Variants in AAK1 observed in about 807,000 individuals in gnomAD.
The protein encoded by AAK1 is AP2 associated kinase 1, also known as AP2-associated protein kinase 1.
A neutral mutation model predicts 116.0 loss-of-function variants in AAK1; 37 were observed. That is an observed-to-expected ratio of 0.32 (90% CI 0.25 to 0.42). The LOEUF (loss-of-function observed/expected upper bound fraction) is 0.42, where lower values mean the gene tolerates loss of function less well. Among genes scored for constraint, AAK1 ranks in the 10% least tolerant of loss-of-function variants. The pLI is 1.00. For missense variants in AAK1, 919 were observed against 1,170.6 expected (o/e 0.79, Z 3.14); for synonymous variants, 458 against 439.9 (o/e 1.04, Z -0.51).
intron 16 of AAK1, among the ~76,000 whole-genome samples, chr2:69,504,272 C>T (rs1056502252): frequency 6.6e-6 from 1 of 151,462 alleles, no homozygotes; most frequent in Non-Finnish European, 1.5e-5. Flanking sequence ...TGGCATACAC[C>T]GGTAGTCCTA....
rs367860568 is a variant in AAK1 at position 69,467,064 on chromosome 2, T to C, written c.*8805A>G. ...GGCTGCTTGATAAATGCAAGTTTAC[T>C]TGATGACTTACATCACAAGCACTAC... On this transcript the variant is annotated 3_prime_UTR_variant, in exon 22 of 22. Transcript: ENST00000409085. The C allele has an allele frequency of 7.1e-6, 7 of 985,462 alleles. No homozygotes were observed. The East Asian group carries it at 6.8e-4, about 96-fold the overall frequency. 61.0% of individuals were successfully genotyped at this position (985,462 alleles called of 1,614,324 possible). A position where few individuals can be genotyped will look rare whatever the true frequency, so the allele number is the denominator to read the frequency against.
chr2:69,555,852 A>G (rs1671367669), intron 3 of AAK1, among the ~76,000 whole-genome samples: 1 of 151,258 alleles, frequency 6.6e-6, no homozygotes, highest in South Asian at 2.1e-4. Context: ...ATTACATATT[A>G]TTATATTATT....
chr2:69,466,550 A>G lies in AAK1; in HGVS notation c.*9319T>C, dbSNP rs773751981. The stretch of plus-strand genomic sequence containing the variant: ...GACAGGGATTGGACTCCCTCTGGAG[A>G]TCTAGAAAAGCATAAAATGCAGAAT... On this transcript the variant is annotated 3_prime_UTR_variant, in exon 22 of 22. Transcript: ENST00000409085. 3 of 1,183,472 alleles carry G rather than the reference A, an allele frequency of 2.5e-6. No homozygotes were observed. Among genetic ancestry groups the G allele is most frequent in the Non-Finnish European group, 3.2e-6 (3 of 936,642 alleles). The allele number at this position is 1,183,472 out of a possible 1,614,324, so 73.3% of individuals were successfully genotyped here.
intron 3 of AAK1, among the ~76,000 whole-genome samples, chr2:69,549,407 T>C (rs1572946797): frequency 6.6e-6 from 1 of 152,182 alleles, no homozygotes; most frequent in South Asian, 2.1e-4. Flanking sequence ...AATAAACAGG[T>C]GAAATAGCAT....
intron 17 of AAK1, among the ~76,000 whole-genome samples, chr2:69,483,180 A>G (rs1265969824): frequency 2.0e-5 from 3 of 152,190 alleles, no homozygotes; most frequent in South Asian, 4.1e-4. Context: ...GATACAGAAC[A>G]TTTCCAAAAC....
intron 2 of AAK1, among the ~76,000 whole-genome samples, chr2:69,605,822 G>A (rs1240597563): frequency 6.6e-6 from 1 of 151,550 alleles, no homozygotes; most frequent in Non-Finnish European, 1.5e-5. Context: ...CCCCCACACT[G>A]CCCCTAATTC....
chr2:69,497,590 G>A (rs908322647), intron 16 of AAK1, among the ~76,000 whole-genome samples: 2 of 151,650 alleles, frequency 1.3e-5, no homozygotes, highest in African/African-American at 4.8e-5. Context: ...GTGAGCCACC[G>A]TGCCCAGCCA....
intron 2 of AAK1, among the ~76,000 whole-genome samples, chr2:69,564,837 C>T (rs1333340586): frequency 1.3e-5 from 2 of 152,256 alleles, no homozygotes; most frequent in Middle Eastern, 3.4e-3. Flanking sequence ...CTCACAATAT[C>T]CTCCCCACCC....
intron 16 of AAK1, among the ~76,000 whole-genome samples, 193 bp from the exon 17 acceptor site, chr2:69,496,273 GTT>G (rs1182573863): frequency 5.1e-5 from 7 of 136,594 alleles, no homozygotes; most frequent in Admixed American, 7.5e-5. Context: ...AATCTGGCCC[GTT>G]TTTTTTTTTT....
intron 4 of AAK1, among the ~76,000 whole-genome samples, chr2:69,543,418 CT>C (rs750513209): frequency 2.0e-5 from 3 of 151,758 alleles, no homozygotes; most frequent in African/African-American, 4.8e-5. Context: ...ATAGTATCTT[CT>C]TTTTTTTGAG....
In AAK1 at chr2:69,468,610, A is replaced by G. The variant is rs1674569199; in HGVS notation, c.*7259T>C. ...TGGCATCATACAGGTCAATAATCCA[A>G]TGAACACTAGTTTGAACAGAGTCAG... is the stretch of plus-strand genomic sequence containing the variant. On this transcript the variant is annotated 3_prime_UTR_variant, in exon 22 of 22. Coordinates refer to ENST00000409085, the MANE Select transcript of AAK1 (RefSeq NM_014911.5). 3.0e-6 allele frequency: 3 copies of G among 985,468 alleles called. No individual in the cohort carries two copies. Among genetic ancestry groups the G allele is most frequent in the African/African-American group, 1.7e-5 (1 of 57,376 alleles). 61.0% of individuals were successfully genotyped at this position (985,468 alleles called of 1,614,324 possible).
rs778372132 is a variant in AAK1, at chr2:69,472,706, T to C, written c.*3163A>G. ...TTCTGCTATAGTTACTCCTCTTACA[T>C]AGCTGGAATAAAAGCAAATCAGAAA... On this transcript the variant is annotated 3_prime_UTR_variant, in exon 22 of 22. Transcript: ENST00000409085. The C allele has an allele frequency of 1.9e-5, 19 of 985,298 alleles. No individual in the cohort carries two copies. The highest frequency in any genetic ancestry group is 2.2e-5 in the Non-Finnish European group (18 of 829,938). The allele number at this position is 985,298 out of a possible 1,614,324, so 61.0% of individuals were successfully genotyped here. A position where few individuals can be genotyped will look rare whatever the true frequency, so the allele number is the denominator to read the frequency against.
intron 4 of AAK1, among the ~76,000 whole-genome samples, chr2:69,543,320 G>C (rs1024292628): frequency 6.6e-6 from 1 of 152,144 alleles, no homozygotes; most frequent in Non-Finnish European, 1.5e-5. Flanking sequence ...TAGTACTTTA[G>C]GAAATCAGGT....
Position 69,465,673 on chromosome 2 carries a change from C to T in AAK1, c.*10196G>A. On this transcript the variant is annotated 3_prime_UTR_variant, in exon 22 of 22. Transcript: ENST00000409085. ...CGGAATGGTTTGCCAGCCATGGGGC[C>T]TGAGACAGCTTCTTTCTGGAGCTGA... is the stretch of plus-strand genomic sequence containing the variant. 1 of 1,290,908 alleles carries T rather than the reference C, an allele frequency of 7.7e-7. No homozygotes were observed. Among genetic ancestry groups the T allele is most frequent in the Non-Finnish European group, 1.0e-6 (1 of 988,878 alleles). The allele number at this position is 1,290,908 out of a possible 1,614,324, so 80.0% of individuals were successfully genotyped here. A position where few individuals can be genotyped will look rare whatever the true frequency, so the allele number is the denominator to read the frequency against.
Position 69,471,844 on chromosome 2 carries a change from A to C in AAK1, c.*4025T>G. On this transcript the variant is annotated 3_prime_UTR_variant, in exon 22 of 22. Transcript: ENST00000409085. ...AACCTGGGGAAGGTTATATTGGTTG[A>C]TCAATTATCTGTCAGGAGAGTAGGA... 1.0e-6 allele frequency: 1 copy of C among 985,472 alleles called. No homozygotes were observed. Among genetic ancestry groups the C allele is most frequent in the Non-Finnish European group, 1.2e-6 (1 of 829,934 alleles). The allele number at this position is 985,472 out of a possible 1,614,324, so 61.0% of individuals were successfully genotyped here.
chr2:69,505,826 T>C (rs539084376), intron 15 of AAK1, among the ~76,000 whole-genome samples, 153 bp from the exon 16 acceptor site: 1 of 152,316 alleles, frequency 6.6e-6, no homozygotes, highest in East Asian at 1.9e-4. Context: ...TGTCTAGTCA[T>C]TGCAATAACT....
In AAK1 at chr2:69,466,977, C is replaced by G; in HGVS notation, c.*8892G>C. The G allele has an allele frequency of 1.0e-6, 1 of 985,422 alleles. No homozygotes were observed. Among genetic ancestry groups the G allele is most frequent in the Non-Finnish European group, 1.2e-6 (1 of 829,934 alleles). 61.0% of individuals were successfully genotyped at this position (985,422 alleles called of 1,614,324 possible). ...GTCTGGGGATGACTCAATTCAGAAT[C>G]TGGCATGTGGTCATCCGCGCCACAT... On this transcript the variant is annotated 3_prime_UTR_variant, in exon 22 of 22. Transcript: ENST00000409085.
At position 69,467,173 on chromosome 2, in the gene AAK1, A is replaced by G. The variant is rs1674515319; in HGVS notation, c.*8696T>C. The G allele has an allele frequency of 6.1e-6, 6 of 985,358 alleles. No homozygotes were observed. Among genetic ancestry groups the G allele is most frequent in the Middle Eastern group, 5.2e-4 (1 of 1,914 alleles). The allele number at this position is 985,358 out of a possible 1,614,324, so 61.0% of individuals were successfully genotyped here. A position where few individuals can be genotyped will look rare whatever the true frequency, so the allele number is the denominator to read the frequency against. On this transcript the variant is annotated 3_prime_UTR_variant, in exon 22 of 22. Coordinates refer to ENST00000409085, the MANE Select transcript of AAK1 (RefSeq NM_014911.5). ...TACAGCATCAAAATCAGACCAAATA[A>G]ATCACCTTCAGCTGGAGTTGCCCCA...
intron 2 of AAK1, among the ~76,000 whole-genome samples, chr2:69,610,050 CAAAA>C (rs760754177): frequency 1.9e-5 from 1 of 53,534 alleles, no homozygotes; most frequent in Non-Finnish European, 4.3e-5. Context: ...GACTCTGTCT[CAAAA>C]AAAAAAAAAA....
Sources: gnomAD v4.1 joint callset for allele counts (sites outside exome capture counted in the v4.1 genomes callset) on GRCh38, gnomAD v4.1.1 for gene constraint, MANE v1.5 for transcripts, NCBI Gene and HGNC (gene_info 2026-07-23, HGNC 2026-07-21) for gene names.